NDRG3: variants seen among roughly 807,000 people sequenced by gnomAD.
NDRG3 encodes the protein protein NDRG3.
NDRG3 carries 23 observed loss-of-function variants against 57.2 expected under a neutral mutation model. That is an observed-to-expected ratio of 0.40 (90% CI 0.29 to 0.57). The LOEUF (loss-of-function observed/expected upper bound fraction) is 0.57, where lower values mean the gene tolerates loss of function less well. Ranked by LOEUF, NDRG3 falls within the 20% of genes least tolerant of loss-of-function variation. The pLI, the probability that NDRG3 is intolerant of heterozygous loss-of-function variation, is 0.42. For synonymous variants in NDRG3, 132 were observed against 162.6 expected (o/e 0.81, Z 1.43); for missense variants, 384 against 457.3 (o/e 0.84, Z 1.46).
At chr20:36,742,563 C>G (rs1051928002) in intron 1 of NDRG3, among the ~76,000 whole-genome samples, 1 of 152,122 alleles carries the variant, frequency 6.6e-6, no homozygotes, top group African/African-American at 2.4e-5. Context: ...AATCACAGTG[C>G]TAAGTGAGAA....
chr20:36,718,854 T>A (rs1182807813), intron 2 of NDRG3, among the ~76,000 whole-genome samples: 6 of 152,030 alleles, frequency 3.9e-5, no homozygotes, highest in African/African-American at 9.7e-5. Flanking sequence ...ATCATTTTTT[T>A]AATTTTTTGG....
At chr20:36,692,221 CGTTTT>C (rs1371335059) in intron 3 of NDRG3, among the ~76,000 whole-genome samples, 1 of 152,004 alleles carries the variant, frequency 6.6e-6, no homozygotes, top group Non-Finnish European at 1.5e-5. Context: ...CTGTTTTTTA[CGTTTT>C]GTTTTGTTTT....
chr20:36,660,194 C>A (rs978892503), intron 13 of NDRG3, 143 bp downstream of exon 13: 4 of 592,426 alleles, frequency 6.8e-6, no homozygotes, highest in East Asian at 3.5e-5. Flanking sequence ...GGCAACACAG[C>A]GGGACTCTGT....
At chr20:36,739,909 CAAAAAAAAAAA>C (rs774462877) in intron 1 of NDRG3, among the ~76,000 whole-genome samples, 5 of 41,600 alleles carry the variant, frequency 1.2e-4, no homozygotes, top group African/African-American at 4.1e-4. Flanking sequence ...GACTCCGTCT[CAAAAAAAAAAA>C]AAAAAAAAAA....
At position 36,665,230 on chromosome 20, in the gene NDRG3, A is replaced by C; in HGVS notation, c.758+6T>G. On this transcript the variant is annotated splice_donor_region_variant and intron_variant, in intron 11 of 15. Coordinates refer to ENST00000349004, the MANE Select transcript of NDRG3 (RefSeq NM_032013.4). ...GCAAGTCAGCTGAGGAAACTGAGGA[A>C]CTTACTTTAATGTTTTTGATTTGTT... 1 of 1,614,010 alleles carries C rather than the reference A, an allele frequency of 6.2e-7. No homozygotes were observed. The highest frequency in any genetic ancestry group is 8.5e-7 in the Non-Finnish European group (1 of 1,179,860).
In NDRG3 at chr20:36,684,443, T is replaced by A; in HGVS notation, c.353A>T (p.Glu118Val). ...GTGGGTAAGAACAGGAGGCAGCATTTCAGCCAGCTCATCCATTGTGGGGTA... is the reference window on the plus strand; with the variant it reads ...GTGGGTAAGAACAGGAGGCAGCATTACAGCCAGCTCATCCATTGTGGGGTA... ...YQYPTMDELA[E>V]MLPPVLTHLS... The change falls in exon 6 of 16, where the codon GAA becomes GTA. Residue 118 changes from glutamate to valine, a missense_variant. Physicochemically the swap from Glu to Val is moderately radical, Grantham distance 121. Coordinates refer to ENST00000349004, the MANE Select transcript of NDRG3 (RefSeq NM_032013.4). The A allele has an allele frequency of 1.2e-6, 2 of 1,614,146 alleles. No individual in the cohort carries two copies. Among genetic ancestry groups the A allele is most frequent in the Non-Finnish European group, 1.7e-6 (2 of 1,180,012 alleles).
At chr20:36,676,495 G>C (rs949927354) in intron 8 of NDRG3, among the ~76,000 whole-genome samples, 5 of 151,964 alleles carry the variant, frequency 3.3e-5, no homozygotes, top group African/African-American at 1.2e-4. Flanking sequence ...ACGGAGTTTT[G>C]CTCATCACCC....
intron 3 of NDRG3, among the ~76,000 whole-genome samples, chr20:36,690,823 A>G (rs556609855): frequency 2.0e-5 from 3 of 150,110 alleles, no homozygotes; most frequent in Non-Finnish European, 4.4e-5. Context: ...AGCAAAGCTC[A>G]GGAACCGAAT....
At chr20:36,686,221 G>A (rs1981776079) in intron 5 of NDRG3, among the ~76,000 whole-genome samples, 1 of 152,108 alleles carries the variant, frequency 6.6e-6, no homozygotes, top group South Asian at 2.1e-4. Context: ...ACTGACCACT[G>A]GCCAATTTGC....
chr20:36,721,615 A>G, intron 2 of NDRG3, 64 bp downstream of exon 2: 1 of 955,670 alleles, frequency 1.0e-6, no homozygotes, highest in Non-Finnish European at 1.7e-6. Context: ...GATGATACAG[A>G]AAATGAAATA....
rs575029050 is a variant in NDRG3, at chr20:36,745,628, C to T, written c.-49+417G>A. 2.0e-5 allele frequency among the ~76,000 whole-genome samples: 3 copies of T among 152,350 alleles called. No individual in the cohort carries two copies. In the East Asian group the frequency reaches 5.8e-4, roughly 29 times the overall value. The stretch of plus-strand genomic sequence containing the variant: ...GCCGGACGGGTGCAAGGGCTGCTCA[C>T]GGCCCCTCTTCCAAGCATCTGGGCT... On this transcript the variant is annotated intron_variant, in intron 1 of 15. Coordinates refer to ENST00000349004, the MANE Select transcript of NDRG3 (RefSeq NM_032013.4).
At chr20:36,656,602 C>A in intron 13 of NDRG3, 70 bp from the exon 14 acceptor site, 1 of 1,542,160 alleles carries the variant, frequency 6.5e-7, no homozygotes, top group South Asian at 1.1e-5. Flanking sequence ...CACCCCAAGT[C>A]CTTTCAAACA....
intron 3 of NDRG3, among the ~76,000 whole-genome samples, chr20:36,701,310 G>A (rs1462146883): frequency 6.6e-6 from 1 of 152,060 alleles, no homozygotes; most frequent in Non-Finnish European, 1.5e-5. Flanking sequence ...GCCAAGGTGA[G>A]AGTATCACTT....
intron 1 of NDRG3, among the ~76,000 whole-genome samples, chr20:36,744,147 C>T (rs1407400307): frequency 6.6e-6 from 1 of 152,032 alleles, no homozygotes; most frequent in Non-Finnish European, 1.5e-5. Context: ...CGTGATCCAC[C>T]CACCTCGGCC....
At chr20:36,730,937 C>CG (rs1238381483) in intron 1 of NDRG3, among the ~76,000 whole-genome samples, 25 of 125,130 alleles carry the variant, frequency 2.0e-4, no homozygotes, top group African/African-American at 7.1e-4. Flanking sequence ...GATGCTGTCT[C>CG]GAAAAAAAAA....
At chr20:36,740,317 C>T (rs1985864275) in intron 1 of NDRG3, among the ~76,000 whole-genome samples, 1 of 152,190 alleles carries the variant, frequency 6.6e-6, no homozygotes, top group Non-Finnish European at 1.5e-5. Context: ...CGGATTCCTC[C>T]AAAGTGCACC....
At chr20:36,684,612 C>A (rs1293373764) in intron 5 of NDRG3, 137 bp from the exon 6 acceptor site, 85 of 713,990 alleles carry the variant, frequency 1.2e-4, no homozygotes, top group Non-Finnish European at 1.5e-5. Flanking sequence ...CACTTTGGGA[C>A]ACCGAGGTGG....
At chr20:36,713,847 T>C (rs368790194) in intron 2 of NDRG3, among the ~76,000 whole-genome samples, 13 of 151,990 alleles carry the variant, frequency 8.6e-5, no homozygotes, top group African/African-American at 3.1e-4. Flanking sequence ...GGGACTAAAG[T>C]GGAGAAAATG....
intron 7 of NDRG3, among the ~76,000 whole-genome samples, chr20:36,681,207 A>T (rs575354315): frequency 6.6e-6 from 1 of 152,324 alleles, no homozygotes; most frequent in South Asian, 2.1e-4. Context: ...CGCTTGGCAC[A>T]AGCAGCTGCT....
Sources: gnomAD v4.1 joint callset for allele counts (sites outside exome capture counted in the v4.1 genomes callset) on GRCh38, gnomAD v4.1.1 for gene constraint, MANE v1.5 for transcripts, NCBI Gene and HGNC (gene_info 2026-07-23, HGNC 2026-07-21) for gene names.